Variants in PCDHGA2 observed in about 807,000 individuals in gnomAD.
PCDHGA2 encodes protocadherin gamma subfamily A, 2, also known as protocadherin gamma-A2.
A neutral mutation model predicts 59.2 loss-of-function variants in PCDHGA2; 40 were observed. That is an observed-to-expected ratio of 0.68 (90% CI 0.52 to 0.88). The LOEUF (loss-of-function observed/expected upper bound fraction) is 0.88. Ranked by LOEUF, PCDHGA2 falls within the 40% of genes least tolerant of loss-of-function variation. The pLI is 0.00. For missense variants in PCDHGA2, 1,226 were observed against 1,204.0 expected (o/e 1.02, Z -0.27); for synonymous variants, 560 against 526.0 (o/e 1.06, Z -0.89).
chr5:141,372,233 G>C, intron 1 of PCDHGA2: 1 of 1,613,368 alleles, frequency 6.2e-7, no homozygotes, highest in Non-Finnish European at 8.5e-7. Flanking sequence ...AGGCCAGCGA[G>C]CCCGGGCTGT....
At chr5:141,389,806 T>C in intron 1 of PCDHGA2, 3 of 1,613,810 alleles carry the variant, frequency 1.9e-6, no homozygotes, top group Non-Finnish European at 2.5e-6. Flanking sequence ...CAGCGCCTTC[T>C]GGTCGCCGTG....
chr5:141,366,594 A>ACC (rs746902775), intron 1 of PCDHGA2: 4 of 1,614,124 alleles, frequency 2.5e-6, no homozygotes, highest in Non-Finnish European at 3.4e-6. Context: ...ACCTATTCCC[A>ACC]CGAGGTCTCC....
intron 1 of PCDHGA2, 91 bp from the exon 2 acceptor site, chr5:141,494,716 C>T (rs1448674271): frequency 3.7e-6 from 6 of 1,604,970 alleles, no homozygotes; most frequent in East Asian, 4.5e-5. Flanking sequence ...TGCCCACTCC[C>T]CTCCTTCTCT....
chr5:141,433,305 C>T, intron 1 of PCDHGA2: 1 of 931,032 alleles, frequency 1.1e-6, no homozygotes, highest in Non-Finnish European at 1.6e-6. Flanking sequence ...GCAATTATCC[C>T]ACCTTTGCCT....
chr5:141,466,812 G>A (rs1394979761), intron 1 of PCDHGA2, among the ~76,000 whole-genome samples: 3 of 151,940 alleles, frequency 2.0e-5, no homozygotes, highest in Non-Finnish European at 4.4e-5. Flanking sequence ...ATTCAGACAT[G>A]GTATAACAAG....
chr5:141,427,467 T>TC, intron 1 of PCDHGA2: 1 of 508,052 alleles, frequency 2.0e-6, no homozygotes. Flanking sequence ...AATCGAATCT[T>TC]CCGCCAATAA....
chr5:141,442,981 C>T (rs2098357132), intron 1 of PCDHGA2, among the ~76,000 whole-genome samples: 1 of 152,142 alleles, frequency 6.6e-6, no homozygotes, highest in African/African-American at 2.4e-5. Flanking sequence ...ATAAAGTTAG[C>T]CTATAATTTC....
Position 141,476,085 on chromosome 5 carries a change from G to C in PCDHGA2, c.2425-18722G>C, listed in dbSNP as rs1163057402. On this transcript the variant is annotated intron_variant, in intron 1 of 3. Coordinates refer to ENST00000394576, the MANE Select transcript of PCDHGA2 (RefSeq NM_018915.4). This position sits in a 1 kb window ranked among gnomAD's most constrained non-coding sequence, Gnocchi z 7.6. ...TCAGCGAAATCTCAGGGACGATCTG[G>C]ACCCCGCTGAGAGGAACTGCTTTTG... 1.3e-6 allele frequency: 2 copies of C among 1,551,682 alleles called. No individual in the cohort carries two copies. Among genetic ancestry groups the C allele is most frequent in the East Asian group, 2.3e-5 (1 of 44,392 alleles).
intron 2 of PCDHGA2, among the ~76,000 whole-genome samples, chr5:141,502,517 G>A (rs1333510345): frequency 1.3e-5 from 2 of 152,128 alleles, no homozygotes; most frequent in Admixed American, 6.6e-5. Flanking sequence ...CCCACTATCA[G>A]TGATGCCGAG....
intron 1 of PCDHGA2, chr5:141,383,374 G>A (rs911594122): frequency 6.2e-7 from 1 of 1,614,028 alleles, no homozygotes; most frequent in Non-Finnish European, 8.5e-7. Flanking sequence ...CGAGGCTGGG[G>A]ATCCAGATGT....
chr5:141,356,912 G>C (rs376285031), intron 1 of PCDHGA2: 48 of 1,614,012 alleles, frequency 3.0e-5, no homozygotes, highest in Non-Finnish European at 3.5e-5. Context: ...CCTACTGATG[G>C]CTCCACTGGT....
Position 141,414,015 on chromosome 5 carries a change from A to T in PCDHGA2, c.2424+72620A>T. ...ACAGGGACGAAGGTGCCAATGGAGA[A>T]GTGACATATTCATTCCGAAAATTAC... On this transcript the variant is annotated intron_variant, in intron 1 of 3. Coordinates refer to ENST00000394576, the MANE Select transcript of PCDHGA2 (RefSeq NM_018915.4). 6.2e-7 allele frequency: 1 copy of T among 1,613,160 alleles called. No individual in the cohort carries two copies.
chr5:141,499,479 C>T (rs1019775735), intron 2 of PCDHGA2, among the ~76,000 whole-genome samples: 1 of 152,146 alleles, frequency 6.6e-6, no homozygotes. Context: ...AGAACCACCA[C>T]CAACTACAGT....
At chr5:141,381,066 C>T (rs1178029702) in intron 1 of PCDHGA2, among the ~76,000 whole-genome samples, 1 of 152,200 alleles carries the variant, frequency 6.6e-6, no homozygotes, top group Non-Finnish European at 1.5e-5. Context: ...GCAAAGATAA[C>T]TATGGATTAT....
chr5:141,491,954 C>CA lies in PCDHGA2; in HGVS notation c.2425-2847dup. 1 of 1,032,920 alleles carries CA rather than the reference C, an allele frequency of 9.7e-7. No homozygotes were observed. Among genetic ancestry groups the CA allele is most frequent in the Non-Finnish European group, 1.3e-6 (1 of 747,262 alleles). 64.0% of individuals were successfully genotyped at this position (1,032,920 alleles called of 1,614,324 possible). A position where few individuals can be genotyped will look rare whatever the true frequency, so the allele number is the denominator to read the frequency against. ...TGGGACCGACCCCCACCCCTACACTCAAAAAAGGCCGGGGCCTCCTTCGAG... is the reference window on the plus strand; with the variant it reads ...TGGGACCGACCCCCACCCCTACACTCAAAAAAAGGCCGGGGCCTCCTTCGAG... On this transcript the variant is annotated intron_variant, in intron 1 of 3. Coordinates refer to ENST00000394576, the MANE Select transcript of PCDHGA2 (RefSeq NM_018915.4). This position sits in a 1 kb window ranked among gnomAD's most constrained non-coding sequence, Gnocchi z 6.9.
intron 1 of PCDHGA2, chr5:141,404,622 A>G (rs1182540384): frequency 9.9e-6 from 16 of 1,614,156 alleles, no homozygotes; most frequent in Non-Finnish European, 1.4e-5. Flanking sequence ...GACCAGAATG[A>G]CAATGCCCCA....
intron 1 of PCDHGA2, chr5:141,419,317 T>G: frequency 1.2e-6 from 2 of 1,613,952 alleles, no homozygotes; most frequent in Non-Finnish European, 1.7e-6. Context: ...TCAACGGCCG[T>G]GTCTCCTACT....
At position 141,414,686 on chromosome 5, in the gene PCDHGA2, C is replaced by A. The variant is rs201724090; in HGVS notation, c.2424+73291C>A. On this transcript the variant is annotated intron_variant, in intron 1 of 3. Coordinates refer to ENST00000394576, the MANE Select transcript of PCDHGA2 (RefSeq NM_018915.4). ...GCTGAAGACACCATCCAGGGGGTAC[C>A]TCTGTCCTCATACATATCCATCAAC... 57 of 1,613,924 alleles carry A rather than the reference C, an allele frequency of 3.5e-5. No homozygotes were observed. The highest frequency in any genetic ancestry group is 1.6e-4 in the Middle Eastern group (1 of 6,084).
At position 141,374,284 on chromosome 5, in the gene PCDHGA2, C is replaced by A. The variant is rs756823871; in HGVS notation, c.2424+32889C>A. ...TGGCGGAGCACGGAGTCCGCATCGT[C>A]TCCAGAGGTAGGATGCAGCTTTTCT... is the stretch of plus-strand genomic sequence containing the variant. On this transcript the variant is annotated intron_variant, in intron 1 of 3. Transcript: ENST00000394576. The A allele has an allele frequency of 3.7e-6, 6 of 1,613,880 alleles. No individual in the cohort carries two copies. In the Admixed American group the frequency reaches 8.3e-5, roughly 22 times the overall value.
Sources: gnomAD v4.1 joint callset for allele counts (sites outside exome capture counted in the v4.1 genomes callset) on GRCh38, gnomAD v4.1.1 for gene constraint, Gnocchi (gnomAD v3.1) non-coding constraint, MANE v1.5 for transcripts, NCBI Gene and HGNC (gene_info 2026-07-23, HGNC 2026-07-21) for gene names.